DLG5: variants seen among roughly 807,000 people sequenced by gnomAD.
DLG5 encodes disks large homolog 5.
DLG5 carries 48 observed loss-of-function variants against 189.8 expected under a neutral mutation model. The observed-to-expected ratio is 0.25, with a 90% confidence interval of 0.20 to 0.32. DLG5 has a LOEUF of 0.32. DLG5 is among the 10% of genes least tolerant of loss of function. The pLI is 1.00. For synonymous variants in DLG5, 1,016 were observed against 1,054.1 expected, an observed-to-expected ratio of 0.96 and a Z score of 0.70; for missense variants, 2,160 against 2,544.7, an observed-to-expected ratio of 0.85 and a Z score of 3.25.
At chr10:77,888,876 C>T (rs146601520) in intron 1 of DLG5, among the ~76,000 whole-genome samples, 2 of 152,280 alleles carry the variant, frequency 1.3e-5, no homozygotes, top group South Asian at 2.1e-4. Flanking sequence ...CGAAGACACC[C>T]CCATCAAGAT....
At chr10:77,812,975 C>T (rs1338633393) in intron 20 of DLG5, among the ~76,000 whole-genome samples, 2 of 152,242 alleles carry the variant, frequency 1.3e-5, no homozygotes, top group African/African-American at 4.8e-5. Context: ...GGCAGGGAGC[C>T]TCTGGGCAGG....
At position 77,821,133 on chromosome 10, in the gene DLG5, G is replaced by A. The variant is rs766462320; in HGVS notation, c.3351C>T (p.Pro1117=). Residue 1117 remains proline (P), a synonymous_variant, in exon 15 of 32, where the codon CCC becomes CCT. Coordinates refer to ENST00000372391, the MANE Select transcript of DLG5 (RefSeq NM_004747.4). ...CTGGAGCAAGCTTCGGCCGAAAACTGGGAGCAGATTTTGGCCGGCGACGCT... is the reference window on the plus strand; with the variant it reads ...CTGGAGCAAGCTTCGGCCGAAAACTAGGAGCAGATTTTGGCCGGCGACGCT... ...GQKRRRPKSA[P]SFRPKLAPVV... 5.0e-6 allele frequency: 8 copies of A among 1,614,002 alleles called. No homozygotes were observed. In the Admixed American group the frequency reaches 6.7e-5, roughly 13 times the overall value.
intron 1 of DLG5, among the ~76,000 whole-genome samples, chr10:77,915,995 T>C (rs1846346543): frequency 1.3e-5 from 2 of 152,112 alleles, no homozygotes; most frequent in Admixed American, 1.3e-4. Context: ...CAATAATGGA[T>C]TGTTTGAGGC....
At chr10:77,871,507 T>C (rs1844896693) in intron 1 of DLG5, among the ~76,000 whole-genome samples, 2 of 151,776 alleles carry the variant, frequency 1.3e-5, no homozygotes, top group South Asian at 4.2e-4. Context: ...CTCTGCATTT[T>C]TGTCTCAACA....
chr10:77,816,657 G>A lies in DLG5; in HGVS notation c.3919C>T (p.Leu1307=). 2 of 1,613,974 alleles carry A rather than the reference G, an allele frequency of 1.2e-6. No homozygotes were observed. Among genetic ancestry groups the A allele is most frequent in the African/African-American group, 1.3e-5 (1 of 75,048 alleles). Residue 1307 remains leucine (L), a synonymous_variant, in exon 20 of 32, where the codon CTG becomes TTG. Transcript: ENST00000372391. ...CAAGAGGACAGGGTGTCGATGTTCA[G>A]GGGTGACTGTGGAGGAGTGCTGCAT... The part of the protein sequence containing the change: ...SECSTPPQSP[L]NIDTLSSCSQ...
intron 1 of DLG5, among the ~76,000 whole-genome samples, chr10:77,906,617 CTTT>C (rs35116526): frequency 3.9e-5 from 4 of 102,180 alleles, no homozygotes; most frequent in East Asian, 3.1e-4. Context: ...CTGCGCTCCA[CTTT>C]TTTTTTTTTT....
At chr10:77,897,525 A>G (rs986214878) in intron 1 of DLG5, among the ~76,000 whole-genome samples, 1 of 152,080 alleles carries the variant, frequency 6.6e-6, no homozygotes, top group Non-Finnish European at 1.5e-5. Flanking sequence ...GCAAACAGAT[A>G]AAAATAACAC....
rs1313784673 is a variant in DLG5, at chr10:77,835,855, C to G, written c.1505G>C (p.Cys502Ser). The change falls in exon 8 of 32, where the codon TGC becomes TCC. Residue 502 changes from cysteine (C) to serine (S), a missense_variant. This residue lies in a region of DLG5 where 664 missense variants were observed against 838.5 expected (regional missense o/e 0.79). Coordinates refer to ENST00000372391, the MANE Select transcript of DLG5 (RefSeq NM_004747.4). ...NKEVEILRKQ[C>S]KALCQELKEA... ...CTTCAGCTCCTGGCACAGAGCCTTG[C>G]ACTGCTTTCGAAGGATTTCAACCTC... 1 of 1,614,096 alleles carries G rather than the reference C, an allele frequency of 6.2e-7. No individual in the cohort carries two copies. Among genetic ancestry groups the G allele is most frequent in the Admixed American group, 1.7e-5 (1 of 60,012 alleles).
intron 1 of DLG5, among the ~76,000 whole-genome samples, chr10:77,913,597 T>C (rs892487208): frequency 6.6e-6 from 1 of 152,176 alleles, no homozygotes; most frequent in Non-Finnish European, 1.5e-5. Flanking sequence ...TTTCATTTTT[T>C]ACTTTTTTAG....
chr10:77,840,925 G>T (rs1357758748), intron 7 of DLG5, among the ~76,000 whole-genome samples: 2 of 152,172 alleles, frequency 1.3e-5, no homozygotes, highest in Admixed American at 1.3e-4. Context: ...AGCAGGACCT[G>T]GTAGTAATGA....
chr10:77,868,355 C>T, intron 2 of DLG5: 1 of 354,158 alleles, frequency 2.8e-6, no homozygotes, highest in South Asian at 2.1e-5. Context: ...ACGGCCCAAG[C>T]CCACCTCTGG....
chr10:77,800,234 G>A (rs1229486949), intron 27 of DLG5, among the ~76,000 whole-genome samples: 1 of 152,228 alleles, frequency 6.6e-6, no homozygotes, highest in Non-Finnish European at 1.5e-5. Flanking sequence ...TAATGGAACA[G>A]CTTGCAGCAT....
At chr10:77,800,115 T>C (rs935036452) in intron 27 of DLG5, among the ~76,000 whole-genome samples, 3 of 152,132 alleles carry the variant, frequency 2.0e-5, no homozygotes, top group Non-Finnish European at 4.4e-5. Context: ...AGGGATGCTA[T>C]GCAGCAGTTG....
intron 1 of DLG5, among the ~76,000 whole-genome samples, chr10:77,887,901 C>G (rs1478132173): frequency 1.3e-5 from 2 of 152,204 alleles, no homozygotes; most frequent in Non-Finnish European, 2.9e-5. Flanking sequence ...TGCCTACAGC[C>G]AGCCGGCGAT....
At chr10:77,909,508 A>G (rs1846156088) in intron 1 of DLG5, among the ~76,000 whole-genome samples, 1 of 152,192 alleles carries the variant, frequency 6.6e-6, no homozygotes, top group African/African-American at 2.4e-5. Context: ...GGTATTAAAA[A>G]AAAAATGAGG....
chr10:77,917,494 G>C (rs1448686774), intron 1 of DLG5, among the ~76,000 whole-genome samples: 1 of 147,292 alleles, frequency 6.8e-6, no homozygotes, highest in Admixed American at 6.8e-5. Context: ...ATGCATTCCA[G>C]CCTGAGCAAC....
intron 1 of DLG5, among the ~76,000 whole-genome samples, chr10:77,915,978 G>T (rs967472810): frequency 6.6e-6 from 1 of 152,092 alleles, no homozygotes; most frequent in African/African-American, 2.4e-5. Context: ...AGGTGTGGTG[G>T]CTTATTCAAT....
chr10:77,824,296 T>C, intron 14 of DLG5, 88 bp downstream of exon 14: 1 of 995,182 alleles, frequency 1.0e-6, no homozygotes, highest in African/African-American at 1.6e-5. Context: ...TCAAGGATCC[T>C]GTGACCCCAA....
intron 6 of DLG5, 135 bp downstream of exon 6, chr10:77,843,310 CAA>C: frequency 9.2e-7 from 1 of 1,084,758 alleles, no homozygotes; most frequent in Non-Finnish European, 1.3e-6. Context: ...CATTCAGTGT[CAA>C]AAAAAAATGT....
Sources: allele counts gnomAD v4.1 joint callset (sites outside exome capture counted in the v4.1 genomes callset), GRCh38; gene constraint gnomAD v4.1.1; regional missense constraint gnomAD v4.1.1; transcripts MANE v1.5; gene names NCBI Gene and HGNC (gene_info 2026-07-23, HGNC 2026-07-21).